TAB1: variants seen among roughly 807,000 people sequenced by gnomAD.
TAB1 encodes the protein TGF-beta-activated kinase 1 and MAP3K7-binding protein 1.
In TAB1, 30 loss-of-function variants were observed where a neutral mutation model predicts 54.5. That is an observed-to-expected ratio of 0.55 (90% CI 0.41 to 0.75). TAB1 has a LOEUF of 0.75. Among genes scored for constraint, TAB1 ranks in the 30% least tolerant of loss-of-function variants. TAB1 has a pLI of 0.00. For missense variants in TAB1, 609 were observed against 683.2 expected, an observed-to-expected ratio of 0.89 and a Z score of 1.21; for synonymous variants, 289 against 286.9, an observed-to-expected ratio of 1.01 and a Z score of -0.07.
intron 1 of TAB1, among the ~76,000 whole-genome samples, chr22:39,407,412 G>A (rs993841602): frequency 2.1e-4 from 32 of 151,982 alleles, no homozygotes; most frequent in African/African-American, 7.7e-4. Flanking sequence ...CTAACTGCCT[G>A]GGCTAACACC....
chr22:39,428,974 C>T (rs1927470434), intron 10 of TAB1, among the ~76,000 whole-genome samples: 2 of 152,248 alleles, frequency 1.3e-5, no homozygotes, highest in Non-Finnish European at 2.9e-5. Context: ...CTTGGGCATC[C>T]TGAGTGCAGT....
At chr22:39,417,630 A>G in intron 4 of TAB1, 81 bp from the exon 5 acceptor site, 1 of 1,427,654 alleles carries the variant, frequency 7.0e-7, no homozygotes, top group Non-Finnish European at 9.3e-7. Context: ...CAAAAAAAAA[A>G]AAAAGAGTAA....
chr22:39,433,646 G>A (rs1927671762), downstream of TAB1: 1 of 985,284 alleles, frequency 1.0e-6, no homozygotes, highest in South Asian at 4.7e-5. Context: ...CATGAGCTGG[G>A]AGCTGGCAGC....
intron 1 of TAB1, among the ~76,000 whole-genome samples, chr22:39,404,261 A>G (rs1459486020): frequency 6.6e-6 from 1 of 152,146 alleles, no homozygotes; most frequent in Non-Finnish European, 1.5e-5. Flanking sequence ...CAAGAGTTTG[A>G]TTTTGCCTGT....
At chr22:39,411,305 A>C (rs1926595876) in intron 1 of TAB1, among the ~76,000 whole-genome samples, 1 of 152,238 alleles carries the variant, frequency 6.6e-6, no homozygotes, top group Non-Finnish European at 1.5e-5. Context: ...AAATGGATTA[A>C]ATGGACTTCA....
chr22:39,419,530 G>A lies in TAB1; in HGVS notation c.676G>A (p.Gly226Arg). 6.2e-7 allele frequency: 1 copy of A among 1,608,466 alleles called. No individual in the cohort carries two copies. The highest frequency in any genetic ancestry group is 1.3e-5 in the African/African-American group (1 of 74,846). Residue 226 changes from glycine to arginine, a missense_variant, in exon 7 of 11, where the codon GGA becomes AGA. Transcript: ENST00000216160. ...GTTTCCCTCCGTAGGCTTGGATGCT[G>A]GAAAGATCAAGCAGGTGGGGATCAT... ...FRLSQLGLDAGKIKQVGIICG... is the reference protein window; with the variant it reads ...FRLSQLGLDARKIKQVGIICG...
At chr22:39,433,363 A>G (rs184292824), downstream of TAB1, 880 of 819,056 alleles carry the variant, frequency 1.1e-3, 7 homozygotes, top group African/African-American at 0.016. Flanking sequence ...AGGCAGGAGA[A>G]TAGCGTGAAC....
downstream of TAB1, chr22:39,432,746 C>T (rs561859209): frequency 1.0e-6 from 1 of 985,728 alleles, no homozygotes; most frequent in South Asian, 4.7e-5. Context: ...CAGGTCTCTC[C>T]CAGCACCTGC....
downstream of TAB1, chr22:39,436,673 A>G (rs1358493637): frequency 3.2e-6 from 3 of 940,992 alleles, no homozygotes; most frequent in Non-Finnish European, 5.1e-6. Context: ...GTGCCAGGCC[A>G]GGCCCCGCCC....
At chr22:39,428,534 A>G (rs530501100) in intron 10 of TAB1, among the ~76,000 whole-genome samples, 60 of 152,220 alleles carry the variant, frequency 3.9e-4, no homozygotes, top group Admixed American at 2.8e-3. Flanking sequence ...GGCTTGTCAG[A>G]GCCCATGCTT....
intron 1 of TAB1, among the ~76,000 whole-genome samples, chr22:39,403,757 G>A (rs1022986422): frequency 6.6e-6 from 1 of 151,146 alleles, no homozygotes; most frequent in African/African-American, 2.4e-5. Context: ...TCCTGCCTCA[G>A]CCTCCCAAGT....
chr22:39,429,987 A>G, intron 10 of TAB1, 28 bp from the exon 11 acceptor site: 1 of 1,609,954 alleles, frequency 6.2e-7, no homozygotes, highest in Non-Finnish European at 8.5e-7. Context: ...GCTGCTTCTG[A>G]TTGACTCCCT....
In TAB1 at chr22:39,419,515, G is replaced by A. The variant is rs763166307; in HGVS notation, c.665-4G>A. ...CAGGATTGTTGCACTGTTTCCCTCC[G>A]TAGGCTTGGATGCTGGAAAGATCAA... On this transcript the variant is annotated splice_polypyrimidine_tract_variant and splice_region_variant and intron_variant, in intron 6 of 10. Transcript: ENST00000216160. 13 of 1,597,700 alleles carry A rather than the reference G, an allele frequency of 8.1e-6. No individual in the cohort carries two copies. Among genetic ancestry groups the A allele is most frequent in the Middle Eastern group, 1.7e-4 (1 of 5,960 alleles).
rs1252920362 is a variant in TAB1, at chr22:39,415,534, A to G, written c.205A>G (p.Asn69Asp). Residue 69 changes from asparagine to aspartate, a missense_variant, in exon 3 of 11, where the codon AAC becomes GAC. By Grantham distance (23) the Asn-to-Asp change is conservative (BLOSUM62 1). Transcript: ENST00000216160. This position sits in a 1 kb window ranked among gnomAD's most constrained non-coding sequence, Gnocchi z 4.9. ...ENNCFLYGVF[N>D]GYDGNRVTNF... ...CAACTGCTTCCTGTATGGGGTCTTC[A>G]ACGGCTATGATGGCAACCGAGTGAC... 4 of 1,614,192 alleles carry G rather than the reference A, an allele frequency of 2.5e-6. No homozygotes were observed. Among genetic ancestry groups the G allele is most frequent in the Non-Finnish European group, 2.5e-6 (3 of 1,180,024 alleles).
At chr22:39,414,665 G>A (rs1268147177) in intron 1 of TAB1, 1 of 282,202 alleles carries the variant, frequency 3.5e-6, no homozygotes, top group Non-Finnish European at 6.8e-6. Context: ...AGTGCAGTAA[G>A]AGGTGGGGTC....
intron 1 of TAB1, among the ~76,000 whole-genome samples, chr22:39,413,000 C>T (rs1043766247): frequency 1.5e-4 from 22 of 151,102 alleles, no homozygotes; most frequent in Non-Finnish European, 2.1e-4. Context: ...CTGCAAGCTC[C>T]GCCTCCCGGG....
intron 1 of TAB1, among the ~76,000 whole-genome samples, chr22:39,401,053 AAAAC>A (rs961289449): frequency 3.3e-5 from 5 of 151,770 alleles, no homozygotes; most frequent in African/African-American, 1.2e-4. Context: ...AAAAAAAAAA[AAAAC>A]GAAAGTAAAC....
downstream of TAB1, chr22:39,433,579 C>T (rs1030502602): frequency 7.6e-5 from 75 of 985,460 alleles, no homozygotes; most frequent in African/African-American, 1.1e-3. Flanking sequence ...CGCCGCAGCA[C>T]CCGTGAGCCA....
At chr22:39,428,714 C>T (rs1927458022) in intron 10 of TAB1, among the ~76,000 whole-genome samples, 1 of 152,226 alleles carries the variant, frequency 6.6e-6, no homozygotes, top group Non-Finnish European at 1.5e-5. Context: ...AGAATGTGCA[C>T]TCCCCACACC....
Sources: gnomAD v4.1 joint callset for allele counts (sites outside exome capture counted in the v4.1 genomes callset) on GRCh38, gnomAD v4.1.1 for gene constraint, Gnocchi (gnomAD v3.1) non-coding constraint, MANE v1.5 for transcripts, NCBI Gene and HGNC (gene_info 2026-07-23, HGNC 2026-07-21) for gene names.